CHRM5: variants seen among roughly 807,000 people sequenced by gnomAD.
CHRM5 encodes the protein muscarinic acetylcholine receptor M5.
A neutral mutation model predicts 39.0 loss-of-function variants in CHRM5; 18 were observed. The observed-to-expected ratio is 0.46, with a 90% CI of 0.32 to 0.68. The LOEUF is 0.68. Among genes scored for constraint, CHRM5 ranks in the 30% least tolerant of loss-of-function variants. The pLI, the probability that CHRM5 is intolerant of heterozygous loss-of-function variation, is 0.04. For missense variants in CHRM5, 515 were observed against 651.1 expected (o/e 0.79, Z 2.28); for synonymous variants, 241 against 246.3 (o/e 0.98, Z 0.20).
chr15:34,054,686 G>A (rs1201572914), intron 2 of CHRM5, among the ~76,000 whole-genome samples: 1 of 152,138 alleles, frequency 6.6e-6, no homozygotes, highest in Non-Finnish European at 1.5e-5. Context: ...GCCTGTGGGG[G>A]TGAGGGTAGG....
chr15:34,049,580 G>A (rs564214731), intron 2 of CHRM5, among the ~76,000 whole-genome samples: 2 of 152,254 alleles, frequency 1.3e-5, no homozygotes, highest in South Asian at 2.1e-4. Context: ...AAAGAGACAG[G>A]GAGAATGGAA....
intron 1 of CHRM5, among the ~76,000 whole-genome samples, chr15:34,029,815 T>C (rs1176490544): frequency 6.6e-6 from 1 of 152,228 alleles, no homozygotes; most frequent in Non-Finnish European, 1.5e-5. Flanking sequence ...ATAAGACTAA[T>C]CTTCAATTAG....
At chr15:34,054,853 GA>G (rs145388735) in intron 2 of CHRM5, among the ~76,000 whole-genome samples, 5,217 of 151,948 alleles carry the variant, frequency 0.034, 127 homozygotes, top group South Asian at 0.051. Context: ...TAAATGTTGG[GA>G]AAAAAAGGAA....
chr15:33,999,884 C>T (rs746504020), intron 1 of CHRM5, among the ~76,000 whole-genome samples: 25 of 152,250 alleles, frequency 1.6e-4, no homozygotes, highest in African/African-American at 5.3e-4. Context: ...TCAAACCCTC[C>T]GCTGGTTTTT....
At chr15:34,010,340 A>G (rs1897583912) in intron 1 of CHRM5, among the ~76,000 whole-genome samples, 2 of 152,022 alleles carry the variant, frequency 1.3e-5, no homozygotes, top group Admixed American at 1.3e-4. Flanking sequence ...TAAATAAATA[A>G]AAGAAGTTGC....
At chr15:34,054,633 GA>G (rs1401515005) in intron 2 of CHRM5, among the ~76,000 whole-genome samples, 1 of 152,132 alleles carries the variant, frequency 6.6e-6, no homozygotes, top group Admixed American at 6.5e-5. Flanking sequence ...GCTGAATGAT[GA>G]GAGAACACAA....
In CHRM5 at chr15:34,064,337, A is replaced by G; in HGVS notation, c.*21A>G. On this transcript the variant is annotated 3_prime_UTR_variant, in exon 3 of 3. Coordinates refer to ENST00000383263, the MANE Select transcript of CHRM5 (RefSeq NM_012125.4). ...CCTGAAAAGTCAACAACTCCTCTCG[A>G]AAGAACAATGACCACAGTCAACATC... is the stretch of plus-strand genomic sequence containing the variant. The G allele has an allele frequency of 1.3e-6, 2 of 1,595,226 alleles. No homozygotes were observed. Among genetic ancestry groups the G allele is most frequent in the Non-Finnish European group, 1.7e-6 (2 of 1,171,498 alleles).
chr15:34,018,112 C>T (rs1272508995), intron 1 of CHRM5: 1 of 152,186 alleles, frequency 6.6e-6, no homozygotes, highest in African/African-American at 2.4e-5. Context: ...CTACTTACTT[C>T]TTAAAAAAGC....
chr15:34,008,651 G>T (rs1279413023), intron 1 of CHRM5, among the ~76,000 whole-genome samples: 2 of 133,626 alleles, frequency 1.5e-5, no homozygotes, highest in African/African-American at 6.7e-5. Flanking sequence ...ACCATGGCAG[G>T]CTAATTTTTT....
intron 1 of CHRM5, among the ~76,000 whole-genome samples, chr15:34,004,391 G>C (rs571822020): frequency 1.2e-4 from 18 of 152,300 alleles, no homozygotes; most frequent in Middle Eastern, 3.4e-3. Flanking sequence ...AAAATGGTGG[G>C]AGAGGATGGA....
In CHRM5 at chr15:33,968,518, C is replaced by A. The variant is rs908324817; in HGVS notation, c.-1040C>A. On this transcript the variant is annotated 5_prime_UTR_variant, in exon 1 of 3. Transcript: ENST00000383263. ...CTTCATTCATGCCAAGTACGCTCACCGTCCAGAGACATGATAAAGCCGTAC... is the reference window on the plus strand; with the variant it reads ...CTTCATTCATGCCAAGTACGCTCACAGTCCAGAGACATGATAAAGCCGTAC... 1.3e-5 allele frequency among the ~76,000 whole-genome samples: 2 copies of A among 152,068 alleles called. No individual in the cohort carries two copies. The highest frequency in any genetic ancestry group is 2.4e-5 in the African/African-American group (1 of 41,436).
Position 34,006,425 on chromosome 15 carries a change from G to A in CHRM5, c.-408+37275G>A, listed in dbSNP as rs753204. Among the ~76,000 whole-genome samples the A allele has an allele frequency of 9.9e-3, 1,506 of 152,184 alleles. 34 individuals are homozygous for A. Among genetic ancestry groups the A allele is most frequent in the African/African-American group, 0.035 (1,438 of 41,520 alleles). On this transcript the variant is annotated intron_variant, in intron 1 of 2. Coordinates refer to ENST00000383263, the MANE Select transcript of CHRM5 (RefSeq NM_012125.4). ...TCAATATTCTTTTGTTGGCCCATTGGGTGAACAGAGTTCAGAGAGGCTTCT... is the reference window on the plus strand; with the variant it reads ...TCAATATTCTTTTGTTGGCCCATTGAGTGAACAGAGTTCAGAGAGGCTTCT...
chr15:34,001,684 G>A (rs1407477491), intron 1 of CHRM5, among the ~76,000 whole-genome samples: 3 of 132,872 alleles, frequency 2.3e-5, no homozygotes, highest in African/African-American at 8.4e-5. Context: ...ACCTAAAGAA[G>A]TTATGCTATT....
chr15:34,064,649 G>A lies in CHRM5; in HGVS notation c.*333G>A, dbSNP rs1449819508. On this transcript the variant is annotated 3_prime_UTR_variant, in exon 3 of 3. Coordinates refer to ENST00000383263, the MANE Select transcript of CHRM5 (RefSeq NM_012125.4). ...TCAGGGAACTTATGCCCCTTCTGTAGGAAACAGCAGAGACCAGGTGGAAAC... is the reference window on the plus strand; with the variant it reads ...TCAGGGAACTTATGCCCCTTCTGTAAGAAACAGCAGAGACCAGGTGGAAAC... 1 of 286,904 alleles carries A rather than the reference G, an allele frequency of 3.5e-6. No homozygotes were observed. The highest frequency in any genetic ancestry group is 7.7e-5 in the East Asian group (1 of 12,978). 17.8% of individuals were successfully genotyped at this position (286,904 alleles called of 1,614,324 possible).
chr15:33,994,126 C>CA (rs1217464887), intron 1 of CHRM5, among the ~76,000 whole-genome samples: 1 of 152,192 alleles, frequency 6.6e-6, no homozygotes, highest in African/African-American at 2.4e-5. Context: ...GGCTGCATAG[C>CA]AGGAGGTGAG....
chr15:33,993,408 C>T (rs1054384718), intron 1 of CHRM5, among the ~76,000 whole-genome samples: 39 of 152,098 alleles, frequency 2.6e-4, no homozygotes, highest in African/African-American at 9.2e-4. Flanking sequence ...CCCATATCCA[C>T]CACTAATAAA....
intron 1 of CHRM5, among the ~76,000 whole-genome samples, chr15:34,027,724 T>C (rs1345648852): frequency 1.3e-5 from 2 of 151,120 alleles, no homozygotes; most frequent in Non-Finnish European, 2.9e-5. Context: ...CAGACTCATT[T>C]CACTCTGTGC....
intron 1 of CHRM5, among the ~76,000 whole-genome samples, chr15:33,977,581 T>C (rs922931768): frequency 6.6e-6 from 1 of 152,210 alleles, no homozygotes; most frequent in African/African-American, 2.4e-5. Context: ...AAGGACACTT[T>C]GGAAGAAAGG....
chr15:33,979,157 A>G (rs1730959114), intron 1 of CHRM5, among the ~76,000 whole-genome samples: 1 of 152,180 alleles, frequency 6.6e-6, no homozygotes, highest in Non-Finnish European at 1.5e-5. Flanking sequence ...CAACCACAGA[A>G]GAGTCACCTC....
Sources: allele counts gnomAD v4.1 joint callset (sites outside exome capture counted in the v4.1 genomes callset), GRCh38; gene constraint gnomAD v4.1.1; transcripts MANE v1.5; gene names NCBI Gene and HGNC (gene_info 2026-07-23, HGNC 2026-07-21).